Variants in UBE2E2 observed in about 807,000 individuals in gnomAD.
UBE2E2 encodes the protein ubiquitin conjugating enzyme E2 E2, also known as ubiquitin-conjugating enzyme E2 E2.
A neutral mutation model predicts 24.7 loss-of-function variants in UBE2E2; 6 were observed. That is an observed-to-expected ratio of 0.24 (90% CI 0.13 to 0.48). UBE2E2 has a LOEUF of 0.48. UBE2E2 is among the 20% of genes least tolerant of loss of function. The pLI is 0.99. For synonymous variants in UBE2E2, 104 were observed against 83.6 expected, an observed-to-expected ratio of 1.24 and a Z score of -1.33; for missense variants, 169 against 245.0, an observed-to-expected ratio of 0.69 and a Z score of 2.07.
intron 3 of UBE2E2, among the ~76,000 whole-genome samples, chr3:23,271,827 T>A (rs1021606795): frequency 6.6e-6 from 1 of 151,882 alleles, no homozygotes; most frequent in Non-Finnish European, 1.5e-5. Context: ...CCCCACCAGA[T>A]TAGCTAGATA....
chr3:23,507,720 T>A (rs1332031019), intron 4 of UBE2E2, among the ~76,000 whole-genome samples: 1 of 152,234 alleles, frequency 6.6e-6, no homozygotes, highest in East Asian at 1.9e-4. Context: ...GTTCCTGGAT[T>A]ATACACTCTG....
intron 4 of UBE2E2, among the ~76,000 whole-genome samples, chr3:23,516,607 T>C (rs1215835189): frequency 6.6e-6 from 1 of 152,178 alleles, no homozygotes; most frequent in Non-Finnish European, 1.5e-5. Flanking sequence ...TTCTTAAATA[T>C]TTTTAATAGT....
At chr3:23,453,549 T>C (rs778483) in intron 3 of UBE2E2, among the ~76,000 whole-genome samples, 35,927 of 152,040 alleles carry the variant, frequency 0.24, 4,458 homozygotes, top group African/African-American at 0.32. Flanking sequence ...TGTATGCATC[T>C]TTGAAGACTA....
chr3:23,535,268 T>C (rs543323244), intron 5 of UBE2E2, among the ~76,000 whole-genome samples: 1 of 152,320 alleles, frequency 6.6e-6, no homozygotes, highest in East Asian at 1.9e-4. Flanking sequence ...CATTTATAAA[T>C]GGTAATGTGT....
At chr3:23,345,292 T>G (rs1292007533) in intron 3 of UBE2E2, among the ~76,000 whole-genome samples, 1 of 152,192 alleles carries the variant, frequency 6.6e-6, no homozygotes, top group Non-Finnish European at 1.5e-5. Context: ...AGCTGTTCTT[T>G]ATTTGGACAC....
At chr3:23,587,651 T>C (rs1480144336) in intron 5 of UBE2E2, among the ~76,000 whole-genome samples, 1 of 152,208 alleles carries the variant, frequency 6.6e-6, no homozygotes, top group East Asian at 1.9e-4. Flanking sequence ...AGATTTCACT[T>C]TGGCCCCTAT....
intron 3 of UBE2E2, among the ~76,000 whole-genome samples, chr3:23,234,951 T>C (rs1697067523): frequency 6.6e-6 from 1 of 152,174 alleles, no homozygotes; most frequent in Non-Finnish European, 1.5e-5. Context: ...TCAGAAAATA[T>C]CTCCTACTAG....
intron 3 of UBE2E2, among the ~76,000 whole-genome samples, chr3:23,321,295 A>T (rs1404390795): frequency 6.6e-6 from 1 of 152,178 alleles, no homozygotes; most frequent in African/African-American, 2.4e-5. Context: ...CAGTCCATAA[A>T]GAGCTTGTTC....
chr3:23,353,180 C>A (rs540504169), intron 3 of UBE2E2, among the ~76,000 whole-genome samples: 36 of 152,278 alleles, frequency 2.4e-4, no homozygotes, highest in Middle Eastern at 3.4e-3. Flanking sequence ...TGACAAAATT[C>A]AACAACACTT....
At chr3:23,355,268 T>C (rs1043691504) in intron 3 of UBE2E2, among the ~76,000 whole-genome samples, 13 of 151,542 alleles carry the variant, frequency 8.6e-5, no homozygotes, top group Non-Finnish European at 1.3e-4. Flanking sequence ...TTAGGAGATA[T>C]ACCTAATGCT....
intron 3 of UBE2E2, among the ~76,000 whole-genome samples, chr3:23,448,743 A>G (rs1011934687): frequency 1.1e-4 from 17 of 152,136 alleles, no homozygotes; most frequent in African/African-American, 4.1e-4. Flanking sequence ...TAGACAGAAA[A>G]GTGCAGTTTG....
intron 3 of UBE2E2, among the ~76,000 whole-genome samples, chr3:23,217,946 C>G (rs2125322661): frequency 6.6e-6 from 1 of 152,130 alleles, no homozygotes; most frequent in African/African-American, 2.4e-5. Flanking sequence ...TAACCTCTTA[C>G]CTTATGCTGC....
rs1698342452 is a variant in UBE2E2, at chr3:23,443,061, C to A, written c.228-56547C>A. The stretch of plus-strand genomic sequence containing the variant: ...TCCAGTTTTCTACTCACCTCTCTGG[C>A]CACACAGCATTCTTCTTTTCTGGCC... On this transcript the variant is annotated intron_variant, in intron 3 of 5. Coordinates refer to ENST00000396703, the MANE Select transcript of UBE2E2 (RefSeq NM_152653.4). Among the ~76,000 whole-genome samples, 8 of 152,300 alleles carry A rather than the reference C, an allele frequency of 5.3e-5. No homozygotes were observed. In the South Asian group the frequency reaches 1.7e-3, roughly 32 times the overall value.
chr3:23,500,032 TGGG>T (rs1309751984), intron 4 of UBE2E2, among the ~76,000 whole-genome samples: 1 of 152,006 alleles, frequency 6.6e-6, no homozygotes, highest in African/African-American at 2.4e-5. Context: ...TGGGTGAAAA[TGGG>T]GGCATAAGGT....
chr3:23,464,878 A>G (rs1698888256), intron 3 of UBE2E2, among the ~76,000 whole-genome samples: 1 of 152,190 alleles, frequency 6.6e-6, no homozygotes. Context: ...TGTTTTTCAA[A>G]TGTCTGTGAA....
At chr3:23,351,704 C>G (rs1273800096) in intron 3 of UBE2E2, among the ~76,000 whole-genome samples, 1 of 152,100 alleles carries the variant, frequency 6.6e-6, no homozygotes, top group Admixed American at 6.5e-5. Flanking sequence ...TATATATGCA[C>G]CCAATACAGG....
intron 3 of UBE2E2, among the ~76,000 whole-genome samples, chr3:23,479,863 A>G (rs1311455525): frequency 1.3e-5 from 2 of 152,116 alleles, no homozygotes; most frequent in Non-Finnish European, 2.9e-5. Flanking sequence ...TGTGCTCAGA[A>G]TGGAGGCAGT....
intron 5 of UBE2E2, among the ~76,000 whole-genome samples, chr3:23,552,608 T>G (rs1695671453): frequency 6.6e-6 from 1 of 152,202 alleles, no homozygotes; most frequent in Non-Finnish European, 1.5e-5. Flanking sequence ...AGGTGTACGT[T>G]TGTTTCTGCA....
intron 5 of UBE2E2, among the ~76,000 whole-genome samples, chr3:23,574,174 A>G (rs1317401365): frequency 1.3e-5 from 2 of 152,082 alleles, no homozygotes; most frequent in African/African-American, 2.4e-5. Flanking sequence ...AAAAATTAAA[A>G]CCACTGAACT....
Sources: allele counts gnomAD v4.1 joint callset (sites outside exome capture counted in the v4.1 genomes callset), GRCh38; gene constraint gnomAD v4.1.1; transcripts MANE v1.5; gene names NCBI Gene and HGNC (gene_info 2026-07-23, HGNC 2026-07-21).